The following SCAF11 variants were observed in gnomAD, a reference collection of about 807,000 sequenced individuals.
The protein encoded by SCAF11 is SR-related CTD associated factor 11.
SCAF11 carries 47 observed loss-of-function variants against 140.5 expected under a neutral mutation model. The observed-to-expected ratio is 0.33, with a 90% CI of 0.26 to 0.43. SCAF11 has a LOEUF of 0.43. Among genes scored for constraint, SCAF11 ranks in the 20% least tolerant of loss-of-function variants. The pLI is 1.00. For missense variants in SCAF11, 1,645 were observed against 1,705.1 expected, an observed-to-expected ratio of 0.96 and a Z score of 0.62; for synonymous variants, 557 against 579.4, an observed-to-expected ratio of 0.96 and a Z score of 0.55.
chr12:45,973,772 T>A (rs1373260275), intron 1 of SCAF11, among the ~76,000 whole-genome samples: 1 of 152,136 alleles, frequency 6.6e-6, no homozygotes, highest in Non-Finnish European at 1.5e-5. Context: ...GGAATGAATG[T>A]GAAACAAAAG....
intron 6 of SCAF11, among the ~76,000 whole-genome samples, chr12:45,935,891 C>T (rs987724941): frequency 2.6e-5 from 2 of 77,270 alleles, no homozygotes; most frequent in Admixed American, 2.9e-4. Flanking sequence ...TCCTGAAGAT[C>T]GTTTCACAAA....
intron 1 of SCAF11, among the ~76,000 whole-genome samples, chr12:45,981,310 T>C (rs558640706): frequency 6.6e-6 from 1 of 152,164 alleles, no homozygotes; most frequent in Non-Finnish European, 1.5e-5. Context: ...TCAAAAACGA[T>C]GAATGAACTC....
chr12:45,971,237 TTATAAAA>T (rs1453657051), intron 1 of SCAF11, among the ~76,000 whole-genome samples: 1 of 152,248 alleles, frequency 6.6e-6, no homozygotes, highest in Admixed American at 6.5e-5. Flanking sequence ...TTGAAAAAAA[TTATAAAA>T]TATAATTCTC....
chr12:45,943,515 C>G (rs949219857), intron 6 of SCAF11, among the ~76,000 whole-genome samples: 3 of 152,074 alleles, frequency 2.0e-5, no homozygotes, highest in African/African-American at 7.2e-5. Context: ...TTTCCACCAC[C>G]TAATTTATAA....
chr12:45,954,485 C>T (rs1282853154), intron 3 of SCAF11, among the ~76,000 whole-genome samples: 2 of 151,918 alleles, frequency 1.3e-5, no homozygotes, highest in African/African-American at 4.8e-5. Context: ...GATCAACCTG[C>T]CTTGGAGGGG....
At chr12:45,957,284 A>C (rs1403212225) in intron 3 of SCAF11, among the ~76,000 whole-genome samples, 1 of 152,190 alleles carries the variant, frequency 6.6e-6, no homozygotes, top group African/African-American at 2.4e-5. Context: ...TTACTGAATT[A>C]TATTACTTAA....
chr12:45,953,526 AGAGT>A (rs1183129101), intron 3 of SCAF11, among the ~76,000 whole-genome samples: 1 of 152,224 alleles, frequency 6.6e-6, no homozygotes, highest in Non-Finnish European at 1.5e-5. Flanking sequence ...CCTAGGCAAC[AGAGT>A]GAGATCCCAT....
chr12:45,926,188 A>G lies in SCAF11; in HGVS notation c.3513T>C (p.Gly1171=), dbSNP rs1270664597. 6.2e-7 allele frequency: 1 copy of G among 1,614,182 alleles called. No homozygotes were observed. The change falls in exon 11 of 15, where the codon GGT becomes GGC. Residue 1171 remains glycine, a synonymous_variant. Transcript: ENST00000369367. ...CTTGTTTCATCCATCCAGACTGTGG[A>G]CCTGAAGAATTTCTGCCTCGTCGTG... ...YYSRRGRNSS[G]PQSGWMKQEE...
intron 3 of SCAF11, among the ~76,000 whole-genome samples, chr12:45,952,498 A>G (rs936199236): frequency 2.0e-5 from 3 of 152,130 alleles, no homozygotes; most frequent in Admixed American, 6.6e-5. Flanking sequence ...TTAGGTTCTT[A>G]TTAAGTTGCT....
intron 11 of SCAF11, 111 bp from the exon 12 acceptor site, chr12:45,925,185 T>TATACCA (rs1271162269): frequency 4.2e-6 from 3 of 717,370 alleles, no homozygotes; most frequent in Non-Finnish European, 6.8e-6. Flanking sequence ...ATAGGCTCAG[T>TATACCA]ATACCAATAC....
intron 3 of SCAF11, 109 bp downstream of exon 3, chr12:45,961,591 T>C (rs186911791): frequency 1.8e-4 from 174 of 941,146 alleles, no homozygotes; most frequent in Admixed American, 4.5e-4. Context: ...TTGTCCAAAG[T>C]AGGAAGAAAA....
Position 45,926,994 on chromosome 12 carries a change from G to A in SCAF11, c.2707C>T (p.Pro903Ser). ...RSQPRVKDSS[P>S]GEKSRSQSRE... is the part of the protein sequence containing the mutation. ...CTCTGGGACCTGGATTTTTCTCCTG[G>A]GGAAGAATCTTTCACTCTTGGCTGA... The change falls in exon 11 of 15, where the codon CCA (proline) becomes TCA (serine). Residue 903 changes from proline (P) to serine (S), a missense_variant. Physicochemically the swap from Pro to Ser is moderately conservative, Grantham distance 74. This residue lies in a region of SCAF11 where 1,582 missense variants were observed against 1,609.2 expected (regional missense o/e 0.98). Transcript: ENST00000369367. 1 of 1,613,012 alleles carries A rather than the reference G, an allele frequency of 6.2e-7. No individual in the cohort carries two copies. The highest frequency in any genetic ancestry group is 8.5e-7 in the Non-Finnish European group (1 of 1,179,984).
chr12:45,930,567 T>A (rs548926481), intron 10 of SCAF11, among the ~76,000 whole-genome samples: 1 of 151,362 alleles, frequency 6.6e-6, no homozygotes, highest in South Asian at 2.1e-4. Context: ...AACACTTGAG[T>A]ACACCAGAAT....
chr12:45,924,865 G>C lies in SCAF11; in HGVS notation c.3769C>G (p.Leu1257Val). Reference sequence around the variant, plus strand: ...TGCATGAGGGGCACTCCTGTGTGGAGATGCAAGGGTAGCTGAGGATGAATG... The same window carrying C: ...TGCATGAGGGGCACTCCTGTGTGGACATGCAAGGGTAGCTGAGGATGAATG... ...FNIHPQLPLH[L>V]HTGVPLMQVA... is the part of the protein sequence containing the mutation. The change falls in exon 12 of 15, where the codon CTC (leucine) becomes GTC (valine). Residue 1257 changes from leucine to valine, a missense_variant. Physicochemically the swap from Leu to Val is conservative, Grantham distance 32. Transcript: ENST00000369367. The C allele has an allele frequency of 6.2e-7, 1 of 1,614,156 alleles. No individual in the cohort carries two copies. Among genetic ancestry groups the C allele is most frequent in the South Asian group, 1.1e-5 (1 of 91,080 alleles).
upstream of SCAF11, among the ~76,000 whole-genome samples, chr12:45,991,293 G>C (rs987861102): frequency 6.6e-6 from 1 of 152,240 alleles, no homozygotes; most frequent in Non-Finnish European, 1.5e-5. Flanking sequence ...CCAGGTGCGC[G>C]GTGGCTCACG....
At position 45,950,279 on chromosome 12, in the gene SCAF11, C is replaced by T. The variant is rs189903182; in HGVS notation, c.297+1371G>A. On this transcript the variant is annotated intron_variant, in intron 4 of 14. Coordinates refer to ENST00000369367, the MANE Select transcript of SCAF11 (RefSeq NM_004719.3). ...TTGTAGAATTCAAGAAGTTCAATTG[C>T]AAAGGGAAAAAGATAATGAAGTGAA... Among the ~76,000 whole-genome samples the T allele has an allele frequency of 9.9e-5, 15 of 151,890 alleles. 1 individual carries two copies. The highest frequency in any genetic ancestry group is 2.9e-5 in the Non-Finnish European group (2 of 67,920).
chr12:45,983,776 C>CACACAT (rs954353551), intron 1 of SCAF11, among the ~76,000 whole-genome samples: 1 of 150,936 alleles, frequency 6.6e-6, no homozygotes, highest in Non-Finnish European at 1.5e-5. Flanking sequence ...CACACACACA[C>CACACAT]ACACACACAA....
rs756050415 is a variant in SCAF11 at position 45,926,765 on chromosome 12, C to T, written c.2936G>A (p.Arg979Gln). ...ATTCTTTCTGTACCGATCATTTCCT[C>T]GTGGACATCTCCAACCATCATTTGC... The part of the protein sequence containing the change: ...RWANDGWRCP[R>Q]GNDRYRKNDP... The change falls in exon 11 of 15, where the codon CGA becomes CAA. Residue 979 changes from arginine to glutamine, a missense_variant. Physicochemically the swap from Arg to Gln is conservative, Grantham distance 43. Transcript: ENST00000369367. 6.2e-6 allele frequency: 10 copies of T among 1,614,124 alleles called. No homozygotes were observed. The highest frequency in any genetic ancestry group is 1.6e-4 in the Middle Eastern group (1 of 6,062).
intron 1 of SCAF11, among the ~76,000 whole-genome samples, chr12:45,979,370 T>C (rs1004349719): frequency 6.6e-6 from 1 of 151,962 alleles, no homozygotes; most frequent in Non-Finnish European, 1.5e-5. Context: ...CACATAAAAA[T>C]GCTTGTCACA....
Sources: allele counts gnomAD v4.1 joint callset (sites outside exome capture counted in the v4.1 genomes callset), GRCh38; gene constraint gnomAD v4.1.1; regional missense constraint gnomAD v4.1.1; transcripts MANE v1.5; gene names NCBI Gene and HGNC (gene_info 2026-07-23, HGNC 2026-07-21).